The following CACNA1H variants were observed in gnomAD, a reference collection of about 807,000 sequenced individuals.
CACNA1H encodes voltage-dependent T-type calcium channel subunit alpha-1H.
CACNA1H carries 149 observed loss-of-function variants against 192.5 expected under a neutral mutation model. The observed-to-expected ratio is 0.77, with a 90% CI of 0.68 to 0.89. The LOEUF is 0.89. Among genes scored for constraint, CACNA1H ranks in the 40% least tolerant of loss-of-function variants. The pLI is 0.00. For synonymous variants in CACNA1H, 2,202 were observed against 1,475.2 expected (o/e 1.49, Z -11.29); for missense variants, 4,257 against 3,423.5 (o/e 1.24, Z -6.08).
chr16:1,200,398 A>G lies in CACNA1H; in HGVS notation c.946A>G (p.Thr316Ala), dbSNP rs2141243028. 3 of 1,607,522 alleles carry G rather than the reference A, an allele frequency of 1.9e-6. No homozygotes were observed. The East Asian group carries it at 6.7e-5, about 36-fold the overall frequency. ...CCGCCGCGAGCTGCGCATGCCCTGC[A>G]CCCTGGGCTGGGAGGCCTACACGCA... ...PGRRELRMPCTLGWEAYTQPQ... is the reference protein window; with the variant it reads ...PGRRELRMPCALGWEAYTQPQ... The change falls in exon 7 of 35, where the codon ACC becomes GCC. Residue 316 changes from threonine to alanine, a missense_variant. Coordinates refer to ENST00000348261, the MANE Select transcript of CACNA1H (RefSeq NM_021098.3).
chr16:1,189,839 C>G (rs1966440757), intron 2 of CACNA1H, among the ~76,000 whole-genome samples: 1 of 152,186 alleles, frequency 6.6e-6, no homozygotes, highest in Non-Finnish European at 1.5e-5. Flanking sequence ...TTCCCCTGTT[C>G]AGGCCTCTCT....
rs1411353239 is a variant in CACNA1H at position 1,218,603 on chromosome 16, C to T, written c.5839C>T (p.Pro1947Ser). ...GCCTGCCTCGGCGCCCCACCCCCGCCCGCTGCAGGAGGTGGAGATGGAGAC... is the reference window on the plus strand; with the variant it reads ...GCCTGCCTCGGCGCCCCACCCCCGCTCGCTGCAGGAGGTGGAGATGGAGAC... ...VVPASAPHPR[P>S]LQEVEMETYG... is the part of the protein sequence containing the mutation. The change falls in exon 33 of 35, where the codon CCG becomes TCG. Residue 1947 changes from proline to serine, a missense_variant. By Grantham distance (74) the Pro-to-Ser change is moderately conservative (BLOSUM62 -1). Coordinates refer to ENST00000348261, the MANE Select transcript of CACNA1H (RefSeq NM_021098.3). 5 of 1,565,452 alleles carry T rather than the reference C, an allele frequency of 3.2e-6. No homozygotes were observed. Among genetic ancestry groups the T allele is most frequent in the Non-Finnish European group, 4.3e-6 (5 of 1,155,248 alleles).
In CACNA1H at chr16:1,205,146, C is replaced by G. The variant is rs368916421; in HGVS notation, c.2484C>G (p.Ser828Arg). The G allele has an allele frequency of 3.1e-6, 5 of 1,612,664 alleles. No individual in the cohort carries two copies. The highest frequency in any genetic ancestry group is 2.7e-5 in the African/African-American group (2 of 74,926). Reference protein sequence around the residue: ...PEELTNALEISNIVFTSMFAL... With the variant: ...PEELTNALEIRNIVFTSMFAL... ...AGCTGACTAATGCTCTGGAGATCAG[C>G]AACATCGTGTTCACCAGCATGTTTG... The change falls in exon 11 of 35, where the codon AGC (serine) becomes AGG (arginine). Residue 828 changes from serine (S) to arginine (R), a missense_variant. By Grantham distance (110) the Ser-to-Arg change is moderately radical (BLOSUM62 -1). Transcript: ENST00000348261.
chr16:1,205,240 TTCGACGGCATCA>T lies in CACNA1H; in HGVS notation c.2582_2593del (p.Asp861_Ile864del). The T allele has an allele frequency of 6.2e-7, 1 of 1,609,860 alleles. No individual in the cohort carries two copies. Among genetic ancestry groups the T allele is most frequent in the Non-Finnish European group, 8.5e-7 (1 of 1,177,230 alleles). The stretch of plus-strand genomic sequence containing the variant: ...CTACATCCGGAACCCGTACAACATC[TTCGACGGCATCA>T]TCGTGGTCATCAGGTGGGTCCCCAC... On this transcript the variant is annotated inframe_deletion, in exon 11 of 35. Coordinates refer to ENST00000348261, the MANE Select transcript of CACNA1H (RefSeq NM_021098.3).
intron 2 of CACNA1H, among the ~76,000 whole-genome samples, chr16:1,185,674 G>T (rs796945252): frequency 8.3e-4 from 106 of 127,210 alleles, no homozygotes; most frequent in Middle Eastern, 5.0e-3. Context: ...GCCGGAGGCG[G>T]GGTGTGTACG....
At chr16:1,191,529 T>G (rs532950083) in intron 2 of CACNA1H, among the ~76,000 whole-genome samples, 18 of 45,504 alleles carry the variant, frequency 4.0e-4, no homozygotes, top group African/African-American at 2.4e-3. Flanking sequence ...CTGGCCTGGC[T>G]GTGTGGCCTC....
intron 2 of CACNA1H, among the ~76,000 whole-genome samples, chr16:1,161,078 C>T (rs1026587580): frequency 6.6e-6 from 1 of 152,302 alleles, no homozygotes; most frequent in South Asian, 2.1e-4. Context: ...AGTTGCACCC[C>T]CAGCCCTGCT....
chr16:1,160,734 G>C (rs1963084125), intron 2 of CACNA1H, among the ~76,000 whole-genome samples: 1 of 152,174 alleles, frequency 6.6e-6, no homozygotes, highest in Admixed American at 6.5e-5. Context: ...TGATGAATGT[G>C]CTCCACGAGG....
intron 27 of CACNA1H, 31 bp from the exon 28 acceptor site, chr16:1,214,941 C>A: frequency 1.3e-6 from 2 of 1,520,002 alleles, no homozygotes; most frequent in South Asian, 1.2e-5. Flanking sequence ...GCCCCAGCCC[C>A]ACCTCAGCCA....
Position 1,166,881 on chromosome 16 carries a change from C to T in CACNA1H, c.299+12845C>T, listed in dbSNP as rs552692183. On this transcript the variant is annotated intron_variant, in intron 2 of 34. Transcript: ENST00000348261. ...GCTGCTGTTCATGGCGCTGCCGGGC[C>T]GTCCCTGCTCCAGGTTCGGGGGAAA... is the stretch of plus-strand genomic sequence containing the variant. Among the ~76,000 whole-genome samples the T allele has an allele frequency of 4.6e-5, 7 of 152,314 alleles. No individual in the cohort carries two copies. The East Asian group carries it at 9.6e-4, about 21-fold the overall frequency.
chr16:1,210,536 A>AGGGAG, intron 19 of CACNA1H, 43 bp downstream of exon 19: 1 of 1,610,326 alleles, frequency 6.2e-7, no homozygotes, highest in Non-Finnish European at 8.5e-7. Flanking sequence ...CACGACCCCC[A>AGGGAG]GGGAGGGGTG....
Position 1,200,780 on chromosome 16 carries a change from A to C in CACNA1H, c.1184A>C (p.Asn395Thr), listed in dbSNP as rs1350249476. The C allele has an allele frequency of 1.3e-6, 2 of 1,553,332 alleles. No individual in the cohort carries two copies. Among genetic ancestry groups the C allele is most frequent in the South Asian group, 2.4e-5 (2 of 84,304 alleles). ...GTCATGGACGCCCACTCATTCTACAACTTCATCTATTTCATCCTGCTCATC... is the reference window on the plus strand; with the variant it reads ...GTCATGGACGCCCACTCATTCTACACCTTCATCTATTTCATCCTGCTCATC... Reference protein sequence around the residue: ...YYVMDAHSFYNFIYFILLIIV... With the variant: ...YYVMDAHSFYTFIYFILLIIV... The change falls in exon 8 of 35, where the codon AAC becomes ACC. Residue 395 changes from asparagine to threonine, a missense_variant. Asn to Thr is a moderately conservative substitution (Grantham distance 65). Coordinates refer to ENST00000348261, the MANE Select transcript of CACNA1H (RefSeq NM_021098.3).
chr16:1,212,605 G>C (rs1969590653), intron 26 of CACNA1H, 77 bp downstream of exon 26: 1 of 1,538,114 alleles, frequency 6.5e-7, no homozygotes. Context: ...TCCCAGGCCT[G>C]CTGGGGTCCT....
At position 1,219,981 on chromosome 16, in the gene CACNA1H, G is replaced by A. The variant is rs1555520755; in HGVS notation, c.6049G>A (p.Glu2017Lys). The change falls in exon 35 of 35, where the codon GAG becomes AAG. Residue 2017 changes from glutamate to lysine, a missense_variant and splice_region_variant. By Grantham distance (56) the Glu-to-Lys change is moderately conservative (BLOSUM62 1). Transcript: ENST00000348261. Reference sequence around the variant, plus strand: ...TCACTTTGACTCTACGCCCCCACAGGAGGCTGTGCACACCGATTCCTTGGA... The same window carrying A: ...TCACTTTGACTCTACGCCCCCACAGAAGGCTGTGCACACCGATTCCTTGGA... Reference protein sequence around the residue: ...PSLSRLLCRQEAVHTDSLEGK... With the variant: ...PSLSRLLCRQKAVHTDSLEGK... 3 of 1,306,698 alleles carry A rather than the reference G, an allele frequency of 2.3e-6. No homozygotes were observed. The highest frequency in any genetic ancestry group is 3.6e-5 in the Admixed American group (1 of 27,534). The allele number at this position is 1,306,698 out of a possible 1,614,324, so 80.9% of individuals were successfully genotyped here.
At chr16:1,185,001 C>T (rs1477879216) in intron 2 of CACNA1H, among the ~76,000 whole-genome samples, 1 of 152,188 alleles carries the variant, frequency 6.6e-6, no homozygotes, top group Admixed American at 6.5e-5. Flanking sequence ...TGGAATGTTT[C>T]CCTCACTCCA....
chr16:1,210,154 G>T lies in CACNA1H; in HGVS notation c.3845+19G>T. 1 of 1,540,102 alleles carries T rather than the reference G, an allele frequency of 6.5e-7. No homozygotes were observed. Among genetic ancestry groups the T allele is most frequent in the Non-Finnish European group, 8.8e-7 (1 of 1,137,884 alleles). ...AGAACCGGTGAGGCGGCCGGGTCAGGAGGCTGCATGGCTAGTTCCACCCCA... is the reference window on the plus strand; with the variant it reads ...AGAACCGGTGAGGCGGCCGGGTCAGTAGGCTGCATGGCTAGTTCCACCCCA... On this transcript the variant is annotated intron_variant, in intron 18 of 34. Transcript: ENST00000348261.
chr16:1,218,167 C>T (rs760426974), intron 32 of CACNA1H, 43 bp from the exon 33 acceptor site: 82 of 1,536,044 alleles, frequency 5.3e-5, no homozygotes, highest in African/African-American at 8.2e-5. Context: ...GTGGCACCCG[C>T]GGGTGGGTGT....
chr16:1,186,442 G>A (rs534728075), intron 2 of CACNA1H, among the ~76,000 whole-genome samples: 3 of 152,192 alleles, frequency 2.0e-5, no homozygotes, highest in South Asian at 2.1e-4. Context: ...GGACGATGCC[G>A]CGGCGTGGGG....
chr16:1,204,139 A>G lies in CACNA1H; in HGVS notation c.2132A>G (p.Glu711Gly), dbSNP rs1450545207. The part of the protein sequence containing the change: ...PYCTRALEDP[E>G]GELSGSESGD... ...TGCACCCGTGCCCTGGAGGACCCGG[A>G]GGGTGAGCTCAGCGGCTCGGAAAGT... The change falls in exon 10 of 35, where the codon GAG (glutamate) becomes GGG (glycine). Residue 711 changes from glutamate (E) to glycine (G), a missense_variant. By Grantham distance (98) the Glu-to-Gly change is moderately conservative. Transcript: ENST00000348261. 5 of 1,612,388 alleles carry G rather than the reference A, an allele frequency of 3.1e-6. No individual in the cohort carries two copies. The highest frequency in any genetic ancestry group is 3.4e-6 in the Non-Finnish European group (4 of 1,179,746).
Sources: gnomAD v4.1 joint callset for allele counts (sites outside exome capture counted in the v4.1 genomes callset) on GRCh38, gnomAD v4.1.1 for gene constraint, MANE v1.5 for transcripts, NCBI Gene and HGNC (gene_info 2026-07-23, HGNC 2026-07-21) for gene names.